The following SLC39A11 variants were observed in gnomAD, a reference collection of about 807,000 sequenced individuals.
The protein encoded by SLC39A11 is solute carrier family 39 member 11.
Under a neutral mutation model 36.1 loss-of-function variants are expected in SLC39A11, and 33 were observed. That is an observed-to-expected ratio of 0.91 (90% CI 0.69 to 1.22). The LOEUF is 1.22. Among genes scored for constraint, SLC39A11 ranks in the 50% most tolerant of loss-of-function variants. The pLI, the probability that SLC39A11 is intolerant of heterozygous loss-of-function variation, is 0.00. For missense variants in SLC39A11, 432 were observed against 430.3 expected, an observed-to-expected ratio of 1.00 and a Z score of -0.03; for synonymous variants, 166 against 170.3, an observed-to-expected ratio of 0.97 and a Z score of 0.20.
intron 6 of SLC39A11, among the ~76,000 whole-genome samples, chr17:72,843,835 T>G (rs1350682394): frequency 6.6e-6 from 1 of 152,154 alleles, no homozygotes; most frequent in Non-Finnish European, 1.5e-5. Flanking sequence ...CTTGCACATG[T>G]GTATTAAATA....
intron 4 of SLC39A11, among the ~76,000 whole-genome samples, chr17:72,972,345 G>A (rs755093898): frequency 1.3e-5 from 2 of 152,056 alleles, no homozygotes; most frequent in Non-Finnish European, 1.5e-5. Flanking sequence ...ACACATCACC[G>A]CCCCACCCTT....
intron 3 of SLC39A11, among the ~76,000 whole-genome samples, chr17:73,038,120 A>G (rs929612687): frequency 6.6e-6 from 1 of 152,176 alleles, no homozygotes; most frequent in Non-Finnish European, 1.5e-5. Flanking sequence ...GCTACTCGGG[A>G]GGCTGAGACA....
chr17:72,671,626 C>T (rs1359980314), intron 7 of SLC39A11, among the ~76,000 whole-genome samples: 1 of 152,024 alleles, frequency 6.6e-6, no homozygotes, highest in Non-Finnish European at 1.5e-5. Context: ...GAGGCTGAGG[C>T]AGGAGAATCG....
At chr17:72,846,012 C>CT (rs2079030547) in intron 6 of SLC39A11, among the ~76,000 whole-genome samples, 23 of 103,446 alleles carry the variant, frequency 2.2e-4, no homozygotes, top group African/African-American at 7.4e-4. Flanking sequence ...CTCTCTCTCT[C>CT]TCTCTCTTTT....
chr17:72,974,908 T>G (rs545927653), intron 4 of SLC39A11, among the ~76,000 whole-genome samples: 1 of 152,224 alleles, frequency 6.6e-6, no homozygotes, highest in South Asian at 2.1e-4. Flanking sequence ...TGTGTTACAG[T>G]TGTCCACAGC....
intron 6 of SLC39A11, among the ~76,000 whole-genome samples, chr17:72,769,916 G>A (rs562921661): frequency 2.0e-5 from 3 of 152,180 alleles, no homozygotes; most frequent in African/African-American, 7.2e-5. Context: ...ACCTATCTGT[G>A]ACCTGGAAGC....
rs1555698613 is a variant in SLC39A11, at chr17:73,062,461, CAA to C, written c.147+22345_147+22346del. On this transcript the variant is annotated intron_variant, in intron 3 of 9. Coordinates refer to ENST00000255559, the MANE Select transcript of SLC39A11 (RefSeq NM_139177.4). ...TGGGTGATAGTGCCAGAGCTTGTCT[CAA>C]AAAAAAAAAAAAAAACTTTAGGTGA... Among the ~76,000 whole-genome samples the C allele has an allele frequency of 1.2e-3, 33 of 27,822 alleles. 3 individuals are homozygous for C. The highest frequency in any genetic ancestry group is 4.1e-3 in the African/African-American group (30 of 7,372). The allele number at this position is 27,822 out of a possible 152,430, so 18.3% of individuals were successfully genotyped here. A position where few individuals can be genotyped will look rare whatever the true frequency, so the allele number is the denominator to read the frequency against.
At chr17:72,790,010 C>G (rs1287473797) in intron 6 of SLC39A11, among the ~76,000 whole-genome samples, 2 of 152,156 alleles carry the variant, frequency 1.3e-5, no homozygotes, top group African/African-American at 4.8e-5. Context: ...TATGAAAGCT[C>G]AAATCCACTC....
At chr17:72,815,680 G>A (rs544451428) in intron 6 of SLC39A11, among the ~76,000 whole-genome samples, 29 of 152,128 alleles carry the variant, frequency 1.9e-4, no homozygotes, top group Admixed American at 1.2e-3. Flanking sequence ...CCAGCACTTT[G>A]GGAGGCCAAG....
chr17:72,670,907 G>A (rs1476819086), intron 7 of SLC39A11, among the ~76,000 whole-genome samples: 8 of 152,222 alleles, frequency 5.3e-5, no homozygotes, highest in Admixed American at 2.0e-4. Context: ...ACAAAGGTCC[G>A]GGCTCCAGAG....
chr17:73,062,811 G>A (rs1285407460), intron 3 of SLC39A11, among the ~76,000 whole-genome samples: 2 of 152,188 alleles, frequency 1.3e-5, no homozygotes, highest in Non-Finnish European at 2.9e-5. Flanking sequence ...AGTCTCATAA[G>A]GAGACCGTAA....
chr17:73,051,649 G>A (rs2059503325), intron 3 of SLC39A11, among the ~76,000 whole-genome samples: 1 of 149,916 alleles, frequency 6.7e-6, no homozygotes, highest in Non-Finnish European at 1.5e-5. Context: ...CCTGAGGTCA[G>A]GAGTTCGAGA....
intron 4 of SLC39A11, among the ~76,000 whole-genome samples, chr17:72,980,273 T>C (rs1277432747): frequency 6.6e-6 from 1 of 152,272 alleles, no homozygotes; most frequent in South Asian, 2.1e-4. Context: ...AGATGGAATA[T>C]GTCATGAAAT....
In SLC39A11 at chr17:72,646,189, G is replaced by C. The variant is rs2069554106; in HGVS notation, c.*1395C>G. On this transcript the variant is annotated 3_prime_UTR_variant, in exon 10 of 10. Coordinates refer to ENST00000255559, the MANE Select transcript of SLC39A11 (RefSeq NM_139177.4). ...CAAGGTTGGCCTTTGGGGTCTGATA[G>C]CATTCACAGAGCAGGAGATTCACCC... is the stretch of plus-strand genomic sequence containing the variant. 6.5e-6 allele frequency: 1 copy of C among 152,696 alleles called. No individual in the cohort carries two copies. Among genetic ancestry groups the C allele is most frequent in the African/African-American group, 2.4e-5 (1 of 41,468 alleles). The allele number at this position is 152,696 out of a possible 1,614,324, so 9.5% of individuals were successfully genotyped here.
At chr17:72,939,125 T>C (rs1399748903) in intron 5 of SLC39A11, among the ~76,000 whole-genome samples, 1 of 152,198 alleles carries the variant, frequency 6.6e-6, no homozygotes, top group Non-Finnish European at 1.5e-5. Flanking sequence ...TGCTGAATAC[T>C]GTCCCCCGCC....
chr17:72,986,816 A>G (rs894846896), intron 4 of SLC39A11, among the ~76,000 whole-genome samples: 2 of 152,238 alleles, frequency 1.3e-5, no homozygotes, highest in Admixed American at 6.5e-5. Flanking sequence ...ACTTGAGGTC[A>G]GGAGTTCAAG....
At chr17:73,074,047 G>GA (rs759340139) in intron 3 of SLC39A11, among the ~76,000 whole-genome samples, 2,931 of 132,088 alleles carry the variant, frequency 0.022, 31 homozygotes, top group African/African-American at 0.032. Context: ...CAGTAAGATG[G>GA]AAAAAAAAAA....
intron 5 of SLC39A11, among the ~76,000 whole-genome samples, chr17:72,914,027 G>GAAAAACA (rs2083185784): frequency 6.7e-6 from 1 of 149,616 alleles, no homozygotes. Flanking sequence ...AAAAAAGGCT[G>GAAAAACA]GGTGTGGTGA....
chr17:72,682,387 TA>T (rs1232850009), intron 7 of SLC39A11, among the ~76,000 whole-genome samples: 1 of 145,916 alleles, frequency 6.9e-6, no homozygotes, highest in Non-Finnish European at 1.5e-5. Context: ...ATAATACATA[TA>T]AAAAATATGT....
Sources: allele counts gnomAD v4.1 joint callset (sites outside exome capture counted in the v4.1 genomes callset), GRCh38; gene constraint gnomAD v4.1.1; transcripts MANE v1.5; gene names NCBI Gene and HGNC (gene_info 2026-07-23, HGNC 2026-07-21).